Variants in ADARB2 observed in about 807,000 individuals in gnomAD.
The protein encoded by ADARB2 is adenosine deaminase RNA specific B2 (inactive).
Under a neutral mutation model 62.2 loss-of-function variants are expected in ADARB2, and 25 were observed. That is an observed-to-expected ratio of 0.40 (90% CI 0.29 to 0.56). The LOEUF (loss-of-function observed/expected upper bound fraction) is 0.56. Ranked by LOEUF, ADARB2 falls within the 20% of genes least tolerant of loss-of-function variation. The probability of loss-of-function intolerance (pLI) is 0.43; values close to 1 mark genes in which losing one functional copy is unlikely to be tolerated. For synonymous variants in ADARB2, 572 were observed against 500.8 expected (o/e 1.14, Z -1.90); for missense variants, 1,071 against 1,077.4 (o/e 0.99, Z 0.08).
At chr10:1,615,227 G>T (rs112966266) in intron 1 of ADARB2, among the ~76,000 whole-genome samples, 1 of 152,240 alleles carries the variant, frequency 6.6e-6, no homozygotes, top group African/African-American at 2.4e-5. Context: ...TCTGCCTCCA[G>T]GTTCACTCTC....
At chr10:1,562,094 C>T (rs1274474854) in intron 1 of ADARB2, among the ~76,000 whole-genome samples, 3 of 152,156 alleles carry the variant, frequency 2.0e-5, no homozygotes, top group Non-Finnish European at 2.9e-5. Context: ...TTCTCAGGGG[C>T]CCCCGCCACG....
At chr10:1,274,559 C>CAAG (rs1831296008) in intron 3 of ADARB2, among the ~76,000 whole-genome samples, 1 of 151,976 alleles carries the variant, frequency 6.6e-6, no homozygotes, top group African/African-American at 2.4e-5. Flanking sequence ...TTGAGAGGCT[C>CAAG]CAGCACAGGA....
At chr10:1,617,249 G>A (rs1833650801) in intron 1 of ADARB2, among the ~76,000 whole-genome samples, 1 of 150,394 alleles carries the variant, frequency 6.6e-6, no homozygotes, top group Admixed American at 6.6e-5. Flanking sequence ...CTGCATCCTG[G>A]GAACTGGCCT....
At chr10:1,575,996 A>G (rs1833008701) in intron 1 of ADARB2, among the ~76,000 whole-genome samples, 4 of 117,756 alleles carry the variant, frequency 3.4e-5, no homozygotes, top group Non-Finnish European at 6.9e-5. Context: ...GGGTCACTAA[A>G]GGGAAGTTCA....
chr10:1,669,547 C>T (rs1413556009), intron 1 of ADARB2, among the ~76,000 whole-genome samples: 1 of 151,750 alleles, frequency 6.6e-6, no homozygotes, highest in Admixed American at 6.6e-5. Context: ...CACAGGCACA[C>T]TCAGAGAGAC....
intron 3 of ADARB2, among the ~76,000 whole-genome samples, chr10:1,344,174 C>G (rs574647066): frequency 6.6e-6 from 1 of 152,140 alleles, no homozygotes; most frequent in Non-Finnish European, 1.5e-5. Flanking sequence ...TGTAAGATAA[C>G]GGACAGGGTC....
At chr10:1,380,930 C>G (rs771464841) in intron 1 of ADARB2, among the ~76,000 whole-genome samples, 4 of 152,168 alleles carry the variant, frequency 2.6e-5, no homozygotes, top group Non-Finnish European at 4.4e-5. Context: ...TAAAGTAGGG[C>G]TACCAGCCAA....
intron 3 of ADARB2, among the ~76,000 whole-genome samples, chr10:1,323,655 C>A (rs1318676104): frequency 6.6e-6 from 1 of 151,720 alleles, no homozygotes; most frequent in African/African-American, 2.4e-5. Context: ...AATAGAGAAC[C>A]CAGTAAAGGT....
At chr10:1,508,243 A>G (rs1326779562) in intron 1 of ADARB2, among the ~76,000 whole-genome samples, 1 of 152,196 alleles carries the variant, frequency 6.6e-6, no homozygotes, top group Non-Finnish European at 1.5e-5. Flanking sequence ...CATCCCCAGG[A>G]CAGGCATCTT....
intron 3 of ADARB2, among the ~76,000 whole-genome samples, chr10:1,326,732 T>TGGCACGGCGCCTCCCGAC (rs1328325952): frequency 2.1e-5 from 2 of 93,368 alleles, no homozygotes; most frequent in East Asian, 3.2e-4. Flanking sequence ...CGCCTCCCCA[T>TGGCACGGCGCCTCCCGAC]GGCACGGCGC....
Position 1,408,543 on chromosome 10 carries a change from C to T in ADARB2, c.101-29383G>A, listed in dbSNP as rs546212149. Among the ~76,000 whole-genome samples, 13 of 152,250 alleles carry T rather than the reference C, an allele frequency of 8.5e-5. No homozygotes were observed. The South Asian group carries it at 1.9e-3, about 22-fold the overall frequency. On this transcript the variant is annotated intron_variant, in intron 1 of 9. Coordinates refer to ENST00000381312, the MANE Select transcript of ADARB2 (RefSeq NM_018702.4). Reference sequence around the variant, plus strand: ...AATCAAATTAGTTTTACAGTCACACCGAGTCCCAGGGCCACCCGTCCAGCA... The same window carrying T: ...AATCAAATTAGTTTTACAGTCACACTGAGTCCCAGGGCCACCCGTCCAGCA...
At chr10:1,194,433 C>T (rs920470736) in intron 8 of ADARB2, among the ~76,000 whole-genome samples, 3 of 152,220 alleles carry the variant, frequency 2.0e-5, no homozygotes, top group Non-Finnish European at 4.4e-5. Flanking sequence ...CCAGCCTACA[C>T]GATTGCATGA....
At chr10:1,355,344 C>A (rs1456623904) in intron 3 of ADARB2, among the ~76,000 whole-genome samples, 1 of 152,236 alleles carries the variant, frequency 6.6e-6, no homozygotes, top group Non-Finnish European at 1.5e-5. Context: ...CCCAGCCCCA[C>A]AGAAGCTGAG....
At chr10:1,646,332 C>T (rs1174234933) in intron 1 of ADARB2, among the ~76,000 whole-genome samples, 1 of 152,238 alleles carries the variant, frequency 6.6e-6, no homozygotes, top group Admixed American at 6.5e-5. Flanking sequence ...CACACCCAGA[C>T]CATGTGCATC....
intron 1 of ADARB2, among the ~76,000 whole-genome samples, chr10:1,516,749 T>C (rs1053925429): frequency 1.3e-5 from 2 of 152,112 alleles, no homozygotes; most frequent in African/African-American, 4.8e-5. Flanking sequence ...GCGACAGAGA[T>C]GGGGGAAAAT....
At chr10:1,377,961 G>A (rs1176375874) in intron 2 of ADARB2, among the ~76,000 whole-genome samples, 1 of 152,116 alleles carries the variant, frequency 6.6e-6, no homozygotes, top group Non-Finnish European at 1.5e-5. Context: ...CCCTCCCACT[G>A]CCTCTTGTTG....
At position 1,426,590 on chromosome 10, in the gene ADARB2, G is replaced by A. The variant is rs1832895200; in HGVS notation, c.101-47430C>T. Reference sequence around the variant, plus strand: ...GTGGCCTTGGAAGGAAAAGCCTCCAGCTCTGAGTCTGCTGCCAGGTGGAGG... The same window carrying A: ...GTGGCCTTGGAAGGAAAAGCCTCCAACTCTGAGTCTGCTGCCAGGTGGAGG... On this transcript the variant is annotated intron_variant, in intron 1 of 9. Transcript: ENST00000381312. The surrounding 1 kb of genome is among the most constrained non-coding windows in gnomAD (Gnocchi z 4.1). Among the ~76,000 whole-genome samples the A allele has an allele frequency of 6.6e-6, 1 of 152,166 alleles. No homozygotes were observed. Among genetic ancestry groups the A allele is most frequent in the African/African-American group, 2.4e-5 (1 of 41,438 alleles).
At chr10:1,205,978 G>C (rs1338044508) in intron 7 of ADARB2, among the ~76,000 whole-genome samples, 2 of 151,860 alleles carry the variant, frequency 1.3e-5, no homozygotes, top group Non-Finnish European at 2.9e-5. Context: ...GGGTCAGGTG[G>C]GTGTCACGGG....
intron 3 of ADARB2, among the ~76,000 whole-genome samples, chr10:1,289,735 C>A (rs1026596715): frequency 2.6e-5 from 4 of 152,258 alleles, no homozygotes; most frequent in African/African-American, 9.6e-5. Context: ...GGTGACAAGA[C>A]AGCCCACAGG....
Sources: gnomAD v4.1 joint callset for allele counts (sites outside exome capture counted in the v4.1 genomes callset) on GRCh38, gnomAD v4.1.1 for gene constraint, Gnocchi (gnomAD v3.1) non-coding constraint, MANE v1.5 for transcripts, NCBI Gene and HGNC (gene_info 2026-07-23, HGNC 2026-07-21) for gene names.